The following EPAS1 variants were observed in gnomAD, a reference collection of about 807,000 sequenced individuals.
EPAS1 encodes endothelial PAS domain-containing protein 1.
EPAS1 carries 23 observed loss-of-function variants against 87.9 expected under a neutral mutation model. That is an observed-to-expected ratio of 0.26 (90% CI 0.19 to 0.37). The LOEUF is 0.37. Ranked by LOEUF, EPAS1 falls within the 10% of genes least tolerant of loss-of-function variation. EPAS1 has a pLI of 1.00. For missense variants in EPAS1, 1,138 were observed against 1,120.7 expected, an observed-to-expected ratio of 1.02 and a Z score of -0.22; for synonymous variants, 508 against 444.3, an observed-to-expected ratio of 1.14 and a Z score of -1.80.
chr2:46,308,785 C>A (rs2121266), intron 1 of EPAS1, among the ~76,000 whole-genome samples: 91,686 of 152,040 alleles, frequency 0.6, 27,985 homozygotes, highest in Middle Eastern at 0.67. Flanking sequence ...TTAATCTCAA[C>A]GTTAAAAGCA....
intron 15 of EPAS1, 95 bp downstream of exon 15, chr2:46,382,693 CACAGGG>C: frequency 6.6e-7 from 1 of 1,515,868 alleles, no homozygotes; most frequent in East Asian, 2.4e-5. Context: ...CAGTGCCAGG[CACAGGG>C]AGGTGCTTGA....
intron 2 of EPAS1, among the ~76,000 whole-genome samples, chr2:46,353,171 C>T (rs748760011): frequency 6.6e-6 from 1 of 152,148 alleles, no homozygotes; most frequent in African/African-American, 2.4e-5. Context: ...ATTGAAGTGG[C>T]GCTGAAAACC....
Position 46,332,917 on chromosome 2 carries a change from G to T in EPAS1, c.27-13956G>T, listed in dbSNP as rs1683717021. On this transcript the variant is annotated intron_variant, in intron 1 of 15. Transcript: ENST00000263734. ...AACCTCCCTGGCCTCTTAAGGATGG[G>T]ACGGGTCAGGAGGGGAGGGGTCTGC... 2.0e-5 allele frequency among the ~76,000 whole-genome samples: 3 copies of T among 152,330 alleles called. No homozygotes were observed. The South Asian group carries it at 6.2e-4, about 32-fold the overall frequency.
In EPAS1 at chr2:46,371,625, C is replaced by G. The variant is rs1684628623; in HGVS notation, c.886+1692C>G. 3.3e-5 allele frequency among the ~76,000 whole-genome samples: 5 copies of G among 152,198 alleles called. No individual in the cohort carries two copies. The South Asian group carries it at 1.0e-3, about 32-fold the overall frequency. Reference sequence around the variant, plus strand: ...TTGAAATTGTAACATCTGGTTCCAGCCTTCCCTTTGGGATTCCTTCATGCT... The same window carrying G: ...TTGAAATTGTAACATCTGGTTCCAGGCTTCCCTTTGGGATTCCTTCATGCT... On this transcript the variant is annotated intron_variant, in intron 7 of 15. Transcript: ENST00000263734. The surrounding 1 kb of genome is among the most constrained non-coding windows in gnomAD (Gnocchi z 4.3).
rs531403775 is a variant in EPAS1 at position 46,360,180 on chromosome 2, G to C, written c.455-458G>C. Among the ~76,000 whole-genome samples the C allele has an allele frequency of 6.6e-6, 1 of 152,368 alleles. No individual in the cohort carries two copies. Among genetic ancestry groups the C allele is most frequent in the South Asian group, 2.1e-4 (1 of 4,824 alleles). ...CCTGAGAGACAGGTTATAAAGGAAAGACGGGAGTGTCGGAGAGACATTTCT... is the reference window on the plus strand; with the variant it reads ...CCTGAGAGACAGGTTATAAAGGAAACACGGGAGTGTCGGAGAGACATTTCT... On this transcript the variant is annotated intron_variant, in intron 4 of 15. Coordinates refer to ENST00000263734, the MANE Select transcript of EPAS1 (RefSeq NM_001430.5). The surrounding 1 kb of genome is among the most constrained non-coding windows in gnomAD (Gnocchi z 4.5).
At chr2:46,311,550 T>C (rs1214958262) in intron 1 of EPAS1, among the ~76,000 whole-genome samples, 2 of 152,188 alleles carry the variant, frequency 1.3e-5, no homozygotes, top group Non-Finnish European at 2.9e-5. Flanking sequence ...AGCATCTACC[T>C]TCTCACAGCT....
intron 7 of EPAS1, among the ~76,000 whole-genome samples, chr2:46,372,093 G>C (rs1684638727): frequency 6.6e-6 from 1 of 152,170 alleles, no homozygotes; most frequent in Admixed American, 6.5e-5. Flanking sequence ...CTGAATCCGT[G>C]TATTTACTTA....
chr2:46,334,681 G>A (rs558941860), intron 1 of EPAS1, among the ~76,000 whole-genome samples: 14 of 152,318 alleles, frequency 9.2e-5, no homozygotes, highest in Admixed American at 7.8e-4. Context: ...CCCATCGTAG[G>A]AAGAGAGAAT....
chr2:46,338,146 C>G (rs1683835394), intron 1 of EPAS1, among the ~76,000 whole-genome samples: 1 of 152,168 alleles, frequency 6.6e-6, no homozygotes, highest in South Asian at 2.1e-4. Flanking sequence ...GATTTAGGGT[C>G]AAATGATCCA....
intron 1 of EPAS1, among the ~76,000 whole-genome samples, chr2:46,339,776 C>G (rs1286069571): frequency 6.6e-6 from 1 of 152,168 alleles, no homozygotes; most frequent in Non-Finnish European, 1.5e-5. Context: ...GTCCAGTGTC[C>G]AGGTGCCAGC....
At position 46,375,586 on chromosome 2, in the gene EPAS1, C is replaced by G. The variant is rs1465167396; in HGVS notation, c.887-104C>G. On this transcript the variant is annotated intron_variant, in intron 7 of 15. Coordinates refer to ENST00000263734, the MANE Select transcript of EPAS1 (RefSeq NM_001430.5). The surrounding 1 kb of genome is among the most constrained non-coding windows in gnomAD (Gnocchi z 4.1). ...TCACTGTCGTGGCGCCCTGTTCTGT[C>G]TGTTCCCCTGCAGATTAGACTGCCC... is the stretch of plus-strand genomic sequence containing the variant. 2 of 1,436,706 alleles carry G rather than the reference C, an allele frequency of 1.4e-6. No homozygotes were observed. Among genetic ancestry groups the G allele is most frequent in the Non-Finnish European group, 1.9e-6 (2 of 1,044,616 alleles). 89.0% of individuals were successfully genotyped at this position (1,436,706 alleles called of 1,614,324 possible). A position where few individuals can be genotyped will look rare whatever the true frequency, so the allele number is the denominator to read the frequency against.
Position 46,381,580 on chromosome 2 carries a change from C to G in EPAS1, c.2046-16C>G, listed in dbSNP as rs759121594. 15 of 1,613,840 alleles carry G rather than the reference C, an allele frequency of 9.3e-6. No homozygotes were observed. The highest frequency in any genetic ancestry group is 2.2e-5 in the East Asian group (1 of 44,900). Reference sequence around the variant, plus strand: ...GCTCCAGACTCCCTCATAGCCTGCTCTCTCGGGCTTGGCAGGTCTGCAAAG... The same window carrying G: ...GCTCCAGACTCCCTCATAGCCTGCTGTCTCGGGCTTGGCAGGTCTGCAAAG... On this transcript the variant is annotated splice_polypyrimidine_tract_variant and intron_variant, in intron 12 of 15. Transcript: ENST00000263734.
Position 46,381,415 on chromosome 2 carries a change from G to A in EPAS1, c.2046-181G>A, listed in dbSNP as rs1294431481. On this transcript the variant is annotated intron_variant, in intron 12 of 15. Transcript: ENST00000263734. The stretch of plus-strand genomic sequence containing the variant: ...AGCCCTTCAGCATCTTATAGCTGAG[G>A]AAGGAGACAGAGCTCGAGCTCGGCC... 5 of 897,262 alleles carry A rather than the reference G, an allele frequency of 5.6e-6. 1 individual carries two copies. The highest frequency in any genetic ancestry group is 1.6e-5 in the African/African-American group (1 of 60,738). The allele number at this position is 897,262 out of a possible 1,614,324, so 55.6% of individuals were successfully genotyped here. A position where few individuals can be genotyped will look rare whatever the true frequency, so the allele number is the denominator to read the frequency against.
rs773656998 is a variant in EPAS1 at position 46,378,754 on chromosome 2, A to C, written c.1541A>C (p.Gln514Pro). Residue 514 changes from glutamine (Q) to proline (P), a missense_variant, in exon 11 of 16, where the codon CAA becomes CCA. This residue lies in a region of EPAS1 where 284 missense variants were observed against 258.4 expected (regional missense o/e 1.10). Transcript: ENST00000263734. ...GCCATGGACACAGAGGCCAAGGACCAATGCAGTACCCAGGTAGATGGCTGT... is the reference window on the plus strand; with the variant it reads ...GCCATGGACACAGAGGCCAAGGACCCATGCAGTACCCAGGTAGATGGCTGT... ...LFAMDTEAKD[Q>P]CSTQTDFNEL... is the part of the protein sequence containing the mutation. 16 of 1,614,024 alleles carry C rather than the reference A, an allele frequency of 9.9e-6. No homozygotes were observed. The South Asian group carries it at 1.8e-4, about 18-fold the overall frequency.
intron 1 of EPAS1, chr2:46,335,784 C>G (rs1440276650): frequency 6.6e-6 from 1 of 152,112 alleles, no homozygotes; most frequent in Non-Finnish European, 1.5e-5. Context: ...CTGTGCTCAC[C>G]ATTCATCCTT....
At chr2:46,315,509 C>T (rs1414375221) in intron 1 of EPAS1, among the ~76,000 whole-genome samples, 1 of 152,210 alleles carries the variant, frequency 6.6e-6, no homozygotes, top group Non-Finnish European at 1.5e-5. Context: ...AGGTGGACGG[C>T]TCCCTTTTGC....
chr2:46,299,160 C>T (rs551771203), intron 1 of EPAS1, among the ~76,000 whole-genome samples: 12 of 152,368 alleles, frequency 7.9e-5, no homozygotes, highest in South Asian at 6.2e-4. Context: ...ACTTCCACTA[C>T]GGGACTGGAG....
At chr2:46,381,136 T>G in intron 12 of EPAS1, 1 of 350,164 alleles carries the variant, frequency 2.9e-6, no homozygotes, top group Non-Finnish European at 5.5e-6. Flanking sequence ...CTCTCCCAGC[T>G]GTGCCTAGGC....
intron 15 of EPAS1, among the ~76,000 whole-genome samples, 184 bp downstream of exon 15, chr2:46,382,782 A>T (rs879892633): frequency 1.3e-5 from 2 of 152,214 alleles, no homozygotes; most frequent in Non-Finnish European, 2.9e-5. Flanking sequence ...TTGTGACATC[A>T]GTGATCAGGC....
Sources: allele counts gnomAD v4.1 joint callset (sites outside exome capture counted in the v4.1 genomes callset), GRCh38; gene constraint gnomAD v4.1.1; regional missense constraint gnomAD v4.1.1; non-coding constraint Gnocchi (gnomAD v3.1); transcripts MANE v1.5; gene names NCBI Gene and HGNC (gene_info 2026-07-23, HGNC 2026-07-21).